The following CA10 variants were observed in gnomAD, a reference collection of about 807,000 sequenced individuals.
The protein encoded by CA10 is carbonic anhydrase-related protein 10.
In CA10, 14 loss-of-function variants were observed where a neutral mutation model predicts 44.2. That is an observed-to-expected ratio of 0.32 (90% CI 0.21 to 0.50). The LOEUF (loss-of-function observed/expected upper bound fraction) is 0.50, where lower values mean the gene tolerates loss of function less well. Ranked by LOEUF, CA10 falls within the 20% of genes least tolerant of loss-of-function variation. The pLI is 0.99. For synonymous variants in CA10, 159 were observed against 141.6 expected (o/e 1.12, Z -0.87); for missense variants, 350 against 409.7 (o/e 0.85, Z 1.26).
chr17:51,653,357 G>C (rs1012850923), intron 5 of CA10, among the ~76,000 whole-genome samples: 4 of 151,890 alleles, frequency 2.6e-5, no homozygotes, highest in Admixed American at 1.3e-4. Context: ...CATTAGGTGG[G>C]TCCTAAAGCC....
At chr17:51,952,087 TC>T (rs1486366747) in intron 2 of CA10, among the ~76,000 whole-genome samples, 1 of 152,176 alleles carries the variant, frequency 6.6e-6, no homozygotes, top group Non-Finnish European at 1.5e-5. Flanking sequence ...AACTCTACTT[TC>T]TATTAGAACC....
chr17:51,880,909 T>G (rs911828521), intron 3 of CA10, among the ~76,000 whole-genome samples: 43 of 152,000 alleles, frequency 2.8e-4, no homozygotes, highest in African/African-American at 1.0e-3. Flanking sequence ...TAGTGGTGAT[T>G]AGACAATTTA....
chr17:51,637,688 C>A (rs1449981632), intron 6 of CA10, among the ~76,000 whole-genome samples: 1 of 152,194 alleles, frequency 6.6e-6, no homozygotes, highest in Non-Finnish European at 1.5e-5. Flanking sequence ...ATGAGTCAGG[C>A]AGATAGTAAC....
intron 3 of CA10, among the ~76,000 whole-genome samples, chr17:51,846,397 A>G (rs568077266): frequency 6.6e-6 from 1 of 152,330 alleles, no homozygotes; most frequent in South Asian, 2.1e-4. Context: ...GGAAACCCTG[A>G]GCTGGGGCTG....
intron 2 of CA10, among the ~76,000 whole-genome samples, chr17:52,010,664 A>AC (rs777733030): frequency 1.1e-4 from 16 of 152,068 alleles, no homozygotes; most frequent in South Asian, 6.2e-4. Flanking sequence ...CACATTGGGT[A>AC]CAGTTTACAC....
At chr17:51,734,173 T>G (rs1916817049) in intron 4 of CA10, among the ~76,000 whole-genome samples, 1 of 101,346 alleles carries the variant, frequency 9.9e-6, no homozygotes, top group African/African-American at 5.4e-5. Flanking sequence ...TACTCAATCT[T>G]TGGTTGGGGG....
intron 2 of CA10, among the ~76,000 whole-genome samples, chr17:52,053,735 G>C (rs998969887): frequency 6.6e-6 from 1 of 152,116 alleles, no homozygotes; most frequent in Non-Finnish European, 1.5e-5. Context: ...ACCAGCTGAA[G>C]CCATGGCAGA....
intron 1 of CA10, among the ~76,000 whole-genome samples, chr17:52,115,150 T>C (rs1264673102): frequency 1.3e-5 from 2 of 152,170 alleles, no homozygotes; most frequent in African/African-American, 4.8e-5. Flanking sequence ...CCTCTTCAGC[T>C]CCTGTGTGGT....
At position 51,811,685 on chromosome 17, in the gene CA10, T is replaced by C. The variant is rs562595107; in HGVS notation, c.280-63867A>G. ...CACATTTTCTTAATCCAGTCTATCA[T>C]TGATGGACATTTGGGTTGGTTCCAA... On this transcript the variant is annotated intron_variant, in intron 3 of 8. Coordinates refer to ENST00000451037, the MANE Select transcript of CA10 (RefSeq NM_020178.5). 3.3e-5 allele frequency among the ~76,000 whole-genome samples: 5 copies of C among 152,348 alleles called. No homozygotes were observed. The East Asian group carries it at 9.6e-4, about 29-fold the overall frequency.
At chr17:51,986,056 CA>C (rs1263441375) in intron 2 of CA10, among the ~76,000 whole-genome samples, 3 of 151,584 alleles carry the variant, frequency 2.0e-5, no homozygotes, top group African/African-American at 7.3e-5. Flanking sequence ...CAACACTAAG[CA>C]AAAAAGAACA....
Position 52,158,070 on chromosome 17 carries a change from T to C in CA10, c.-284A>G. The C allele has an allele frequency of 1.9e-6, 1 of 530,532 alleles. No homozygotes were observed. Among genetic ancestry groups the C allele is most frequent in the Non-Finnish European group, 3.4e-6 (1 of 296,800 alleles). The allele number at this position is 530,532 out of a possible 1,614,324, so 32.9% of individuals were successfully genotyped here. ...GGTCTCCCCGCTCGCGTGTCTCTTC[T>C]CTTCGCACCAGCGGCGGAAACCGCA... On this transcript the variant is annotated 5_prime_UTR_variant, in exon 1 of 9. Transcript: ENST00000451037.
chr17:51,975,306 A>G (rs1216282661), intron 2 of CA10, among the ~76,000 whole-genome samples: 2 of 152,248 alleles, frequency 1.3e-5, no homozygotes, highest in Non-Finnish European at 2.9e-5. Context: ...TGCTTAATCT[A>G]AATTGTAAAT....
intron 1 of CA10, 149 bp from the exon 2 acceptor site, chr17:52,072,542 T>TC: frequency 1.8e-6 from 1 of 548,716 alleles, no homozygotes; most frequent in Non-Finnish European, 3.2e-6. Flanking sequence ...CCCTTCCCTT[T>TC]TTTTTTTCAA....
intron 3 of CA10, among the ~76,000 whole-genome samples, chr17:51,919,956 G>A (rs372177924): frequency 2.6e-4 from 40 of 152,254 alleles, no homozygotes; most frequent in Admixed American, 3.9e-4. Flanking sequence ...CTGGCCAAAT[G>A]CCTGTTAGTT....
intron 3 of CA10, among the ~76,000 whole-genome samples, chr17:51,899,762 C>T (rs867391073): frequency 1.3e-5 from 2 of 151,928 alleles, no homozygotes; most frequent in African/African-American, 4.8e-5. Flanking sequence ...CAGGTTAGGT[C>T]TTCTTGTTGA....
chr17:51,985,483 T>G (rs1947359339), intron 2 of CA10, among the ~76,000 whole-genome samples: 1 of 151,928 alleles, frequency 6.6e-6, no homozygotes, highest in South Asian at 2.1e-4. Context: ...CCACTCCTCT[T>G]CAACATAGCA....
intron 4 of CA10, among the ~76,000 whole-genome samples, chr17:51,664,183 G>T (rs569491106): frequency 2.0e-5 from 3 of 152,122 alleles, no homozygotes; most frequent in Admixed American, 6.6e-5. Flanking sequence ...GTTAAGGCAA[G>T]AATTATTTTT....
At chr17:51,851,672 C>T (rs144290167) in intron 3 of CA10, among the ~76,000 whole-genome samples, 1 of 152,318 alleles carries the variant, frequency 6.6e-6, no homozygotes, top group East Asian at 1.9e-4. Context: ...GTTGTATCCA[C>T]TTATCCACAT....
At chr17:52,059,252 A>C (rs1300363728) in intron 2 of CA10, among the ~76,000 whole-genome samples, 1 of 152,068 alleles carries the variant, frequency 6.6e-6, no homozygotes, top group African/African-American at 2.4e-5. Flanking sequence ...TAACTTCCAA[A>C]CCAATCTTAG....
Sources: allele counts gnomAD v4.1 joint callset (sites outside exome capture counted in the v4.1 genomes callset), GRCh38; gene constraint gnomAD v4.1.1; transcripts MANE v1.5; gene names NCBI Gene and HGNC (gene_info 2026-07-23, HGNC 2026-07-21).